The following EBPL variants were observed in gnomAD, a reference collection of about 807,000 sequenced individuals.
EBPL encodes the protein EBP like, also known as emopamil-binding protein-like.
In EBPL, 20 loss-of-function variants were observed where a neutral mutation model predicts 19.0. The ratio of observed to expected loss-of-function variants is 1.05; its 90% CI spans 0.74 to 1.53. EBPL has a LOEUF of 1.53. Ranked by LOEUF, EBPL falls within the 40% of genes most tolerant of loss-of-function variation. The pLI is 0.00. For missense variants in EBPL, 219 were observed against 261.1 expected, an observed-to-expected ratio of 0.84 and a Z score of 1.11; for synonymous variants, 107 against 117.0, an observed-to-expected ratio of 0.91 and a Z score of 0.55.
chr13:49,680,229 G>A (rs1953927205), intron 1 of EBPL, among the ~76,000 whole-genome samples: 2 of 152,246 alleles, frequency 1.3e-5, no homozygotes, highest in African/African-American at 2.4e-5. Context: ...GACATGATGA[G>A]GTCTTCGAGG....
chr13:49,679,948 A>G (rs1450533828), intron 1 of EBPL, among the ~76,000 whole-genome samples: 1 of 152,220 alleles, frequency 6.6e-6, no homozygotes. Context: ...GGCAGGCTGG[A>G]TCTGCATCTC....
intron 1 of EBPL, among the ~76,000 whole-genome samples, chr13:49,675,191 G>C (rs1016746883): frequency 1.3e-5 from 2 of 152,198 alleles, no homozygotes; most frequent in African/African-American, 4.8e-5. Context: ...CTCACACGTA[G>C]GCTATATGGA....
intron 1 of EBPL, among the ~76,000 whole-genome samples, chr13:49,672,792 G>A (rs1953832063): frequency 6.6e-6 from 1 of 152,188 alleles, no homozygotes; most frequent in African/African-American, 2.4e-5. Context: ...GGGTGTGGTG[G>A]TTCACGCCTG....
At chr13:49,681,921 C>T (rs1040752341) in intron 1 of EBPL, among the ~76,000 whole-genome samples, 1 of 152,164 alleles carries the variant, frequency 6.6e-6, no homozygotes, top group Non-Finnish European at 1.5e-5. Context: ...AGAATCAGTA[C>T]ATAAATCCTG....
At chr13:49,661,230 G>C in intron 3 of EBPL, 22 bp from the exon 4 acceptor site, 2 of 1,588,702 alleles carry the variant, frequency 1.3e-6, no homozygotes, top group Non-Finnish European at 1.7e-6. Context: ...AAAGAAGCCC[G>C]GGATGAACCA....
chr13:49,661,575 C>T (rs1965149186), intron 3 of EBPL, among the ~76,000 whole-genome samples: 1 of 152,090 alleles, frequency 6.6e-6, no homozygotes, highest in African/African-American at 2.4e-5. Context: ...AGTAATAACC[C>T]CTTCCTCAAA....
rs1004948105 is a variant in EBPL, at chr13:49,681,440, G to A, written c.171+9814C>T. 1.4e-4 allele frequency among the ~76,000 whole-genome samples: 22 copies of A among 152,176 alleles called. No individual in the cohort carries two copies. In the South Asian group the frequency reaches 3.3e-3, roughly 23 times the overall value. On this transcript the variant is annotated intron_variant, in intron 1 of 3. Coordinates refer to ENST00000242827, the MANE Select transcript of EBPL (RefSeq NM_032565.5). The stretch of plus-strand genomic sequence containing the variant: ...TGAGTAGCTGAGATTACAGGCACAC[G>A]CCACCACGCCTGGCTAATTTTGGTA...
Position 49,660,918 on chromosome 13 carries a change from A to T in EBPL, c.*50T>A. On this transcript the variant is annotated 3_prime_UTR_variant, in exon 4 of 4. Coordinates refer to ENST00000242827, the MANE Select transcript of EBPL (RefSeq NM_032565.5). ...CATTTTGGCCAAACAAAAAGATTTG[A>T]TTCATTCTGGTTCATGAAGTTAGAT... is the stretch of plus-strand genomic sequence containing the variant. The T allele has an allele frequency of 6.7e-7, 1 of 1,492,676 alleles. No individual in the cohort carries two copies. Among genetic ancestry groups the T allele is most frequent in the Non-Finnish European group, 9.2e-7 (1 of 1,089,224 alleles). The allele number at this position is 1,492,676 out of a possible 1,614,324, so 92.5% of individuals were successfully genotyped here. A position where few individuals can be genotyped will look rare whatever the true frequency, so the allele number is the denominator to read the frequency against.
At chr13:49,661,986 G>A (rs1965157228) in intron 3 of EBPL, 1 of 1,436,578 alleles carries the variant, frequency 7.0e-7, no homozygotes, top group African/African-American at 1.4e-5. Context: ...CTGATAGGAT[G>A]GATAATTTTT....
chr13:49,678,458 G>A (rs1187226984), intron 1 of EBPL, among the ~76,000 whole-genome samples: 2 of 152,232 alleles, frequency 1.3e-5, no homozygotes, highest in African/African-American at 2.4e-5. Flanking sequence ...CTGCCCCGTG[G>A]GGAAGCGGCT....
intron 1 of EBPL, among the ~76,000 whole-genome samples, chr13:49,673,422 G>A (rs777772778): frequency 6.6e-5 from 10 of 152,024 alleles, no homozygotes; most frequent in Non-Finnish European, 1.3e-4. Context: ...TTACATAATG[G>A]TTACATTTAT....
chr13:49,663,947 A>G (rs1330477163), intron 2 of EBPL, among the ~76,000 whole-genome samples: 2 of 148,888 alleles, frequency 1.3e-5, no homozygotes, highest in Admixed American at 1.3e-4. Flanking sequence ...ACAAAAAAAC[A>G]AACAACCAAA....
In EBPL at chr13:49,691,430, A is replaced by T; in HGVS notation, c.-6T>A. 5 of 1,334,188 alleles carry T rather than the reference A, an allele frequency of 3.7e-6. No homozygotes were observed. Among genetic ancestry groups the T allele is most frequent in the Non-Finnish European group, 4.8e-6 (5 of 1,044,000 alleles). 82.6% of individuals were successfully genotyped at this position (1,334,188 alleles called of 1,614,324 possible). ...AGCTCCCACTCAGCGCCCATGCTTC[A>T]GGCTTCCGACGCCAACGGCCCAGGA... On this transcript the variant is annotated 5_prime_UTR_variant, in exon 1 of 4. Transcript: ENST00000242827.
intron 3 of EBPL, among the ~76,000 whole-genome samples, chr13:49,662,182 G>C (rs538015066): frequency 1.3e-5 from 2 of 152,184 alleles, no homozygotes; most frequent in East Asian, 3.9e-4. Context: ...ATTTTGAGTA[G>C]AGACGGGGTT....
intron 1 of EBPL, among the ~76,000 whole-genome samples, chr13:49,685,864 GA>G (rs138557655): frequency 7.8e-4 from 111 of 142,494 alleles, no homozygotes; most frequent in East Asian, 1.0e-3. Context: ...GAGAGAGAGA[GA>G]AAAAAAAAAA....
intron 1 of EBPL, among the ~76,000 whole-genome samples, chr13:49,685,331 A>G (rs1209474657): frequency 1.3e-5 from 2 of 152,204 alleles, no homozygotes; most frequent in African/African-American, 2.4e-5. Context: ...GGCATCTCAA[A>G]TAAGTGGGGA....
intron 1 of EBPL, among the ~76,000 whole-genome samples, chr13:49,678,062 T>G (rs1953896962): frequency 6.6e-6 from 1 of 152,180 alleles, no homozygotes; most frequent in Non-Finnish European, 1.5e-5. Flanking sequence ...TTGGGCAGCC[T>G]GCTTTTATTC....
In EBPL at chr13:49,668,966, A is replaced by G. The variant is rs1594406923; in HGVS notation, c.241+811T>C. On this transcript the variant is annotated intron_variant, in intron 2 of 3. Coordinates refer to ENST00000242827, the MANE Select transcript of EBPL (RefSeq NM_032565.5). The stretch of plus-strand genomic sequence containing the variant: ...GTGATCTCGGCTCACTGCAAGCTCC[A>G]CCTCCTGGGTTCACGCCATTCTCTT... Among the ~76,000 whole-genome samples, 3 of 147,480 alleles carry G rather than the reference A, an allele frequency of 2.0e-5. No homozygotes were observed. In the Admixed American group the frequency reaches 2.1e-4, roughly 10 times the overall value.
intron 1 of EBPL, among the ~76,000 whole-genome samples, chr13:49,677,906 A>G (rs1953894050): frequency 1.3e-5 from 2 of 152,198 alleles, no homozygotes; most frequent in Non-Finnish European, 2.9e-5. Context: ...TGGCCTCAGG[A>G]GTGAAGCTGC....
Sources: allele counts gnomAD v4.1 joint callset (sites outside exome capture counted in the v4.1 genomes callset), GRCh38; gene constraint gnomAD v4.1.1; transcripts MANE v1.5; gene names NCBI Gene and HGNC (gene_info 2026-07-23, HGNC 2026-07-21).